ZMYND11: variants seen among roughly 807,000 people sequenced by gnomAD.
ZMYND11 encodes zinc finger MYND-type containing 11.
Under a neutral mutation model 84.9 loss-of-function variants are expected in ZMYND11, and 9 were observed. That is an observed-to-expected ratio of 0.11 (90% CI 0.06 to 0.18). The LOEUF is 0.18. ZMYND11 is among the 10% of genes least tolerant of loss of function. ZMYND11 has a pLI of 1.00. For missense variants in ZMYND11, 409 were observed against 761.0 expected (o/e 0.54, Z 5.44); for synonymous variants, 250 against 244.1 (o/e 1.02, Z -0.23).
Position 217,867 on chromosome 10 carries a change from A to T in ZMYND11, c.277-3328A>T, listed in dbSNP as rs552451277. Among the ~76,000 whole-genome samples the T allele has an allele frequency of 2.0e-5, 3 of 152,336 alleles. No homozygotes were observed. In the East Asian group the frequency reaches 5.8e-4, roughly 29 times the overall value. ...TGCGAATGCCAGGGCCAGGATTTGA[A>T]TCAATCGAGCTCCAGAGTCTTAACC... is the stretch of plus-strand genomic sequence containing the variant. On this transcript the variant is annotated intron_variant, in intron 3 of 14. Transcript: ENST00000381604.
intron 10 of ZMYND11, among the ~76,000 whole-genome samples, chr10:244,284 A>T (rs552014370): frequency 6.6e-6 from 1 of 152,218 alleles, no homozygotes; most frequent in Non-Finnish European, 1.5e-5. Context: ...AGTTTTGGCT[A>T]ATTATTCTTC....
chr10:134,144 A>G (rs1036474768), upstream of ZMYND11, among the ~76,000 whole-genome samples: 2 of 152,174 alleles, frequency 1.3e-5, no homozygotes, highest in African/African-American at 4.8e-5. Context: ...ACACCTGCCT[A>G]TAATAAAGTT....
At chr10:185,814 A>AG (rs1938196839) in intron 2 of ZMYND11, among the ~76,000 whole-genome samples, 2 of 2,548 alleles carry the variant, frequency 7.8e-4, no homozygotes, top group South Asian at 0.071. Context: ...ACTCCGTCTC[A>AG]AAAAAACAAA....
intron 9 of ZMYND11, among the ~76,000 whole-genome samples, chr10:241,811 C>T (rs1402514131): frequency 2.0e-5 from 3 of 152,008 alleles, no homozygotes; most frequent in Non-Finnish European, 2.9e-5. Flanking sequence ...GCTCCAGTCC[C>T]GACCTCTTCT....
intron 1 of ZMYND11, among the ~76,000 whole-genome samples, chr10:146,640 A>G (rs1351700877): frequency 6.6e-6 from 1 of 152,146 alleles, no homozygotes; most frequent in Admixed American, 6.5e-5. Context: ...TTTTGCAGCT[A>G]TCATAAAAGG....
intron 1 of ZMYND11, among the ~76,000 whole-genome samples, chr10:157,445 C>T (rs1324117471): frequency 1.3e-5 from 2 of 152,160 alleles, no homozygotes; most frequent in Non-Finnish European, 2.9e-5. Context: ...AGTGATCCAC[C>T]TGCCTCAGCC....
chr10:215,124 T>C (rs567574237), intron 3 of ZMYND11, among the ~76,000 whole-genome samples: 26 of 152,336 alleles, frequency 1.7e-4, no homozygotes, highest in African/African-American at 6.3e-4. Flanking sequence ...AGCTAGAATA[T>C]TATTTGACAG....
At position 252,193 on chromosome 10, in the gene ZMYND11, C is replaced by T. The variant is rs981884066; in HGVS notation, c.1687-155C>T. On this transcript the variant is annotated intron_variant, in intron 14 of 14. Coordinates refer to ENST00000381604, the MANE Select transcript of ZMYND11 (RefSeq NM_001370100.5). This position sits in a 1 kb window ranked among gnomAD's most constrained non-coding sequence, Gnocchi z 4.6. ...GAGCTGCAGTCATCCCCAGGGCTCC[C>T]TTTCCATCTGCTGTGCATAAAACGT... Among the ~76,000 whole-genome samples, 4 of 152,208 alleles carry T rather than the reference C, an allele frequency of 2.6e-5. No individual in the cohort carries two copies. The highest frequency in any genetic ancestry group is 9.7e-5 in the African/African-American group (4 of 41,446).
At chr10:161,191 A>T (rs560149088) in intron 1 of ZMYND11, among the ~76,000 whole-genome samples, 4 of 152,082 alleles carry the variant, frequency 2.6e-5, no homozygotes, top group Non-Finnish European at 5.9e-5. Flanking sequence ...AAATAACACT[A>T]ATCTCCCTGT....
At chr10:196,353 A>G (rs2130998705) in intron 2 of ZMYND11, among the ~76,000 whole-genome samples, 1 of 152,354 alleles carries the variant, frequency 6.6e-6, no homozygotes, top group South Asian at 2.1e-4. Context: ...TCGAAGTGAA[A>G]GAGAAGACCT....
chr10:197,673 G>T (rs368360314), intron 2 of ZMYND11, among the ~76,000 whole-genome samples: 1 of 152,306 alleles, frequency 6.6e-6, no homozygotes, highest in South Asian at 2.1e-4. Flanking sequence ...AAACCAGAAA[G>T]AAATCTTTAG....
chr10:202,747 A>G (rs77579379), intron 2 of ZMYND11, among the ~76,000 whole-genome samples: 4,362 of 152,284 alleles, frequency 0.029, 59 homozygotes, highest in East Asian at 0.092. Context: ...AAGACCAAAG[A>G]TAGAGAACGA....
At chr10:228,352 G>A (rs764044309) in intron 4 of ZMYND11, among the ~76,000 whole-genome samples, 22 of 152,156 alleles carry the variant, frequency 1.4e-4, no homozygotes, top group Non-Finnish European at 2.9e-4. Flanking sequence ...AATCTTATTC[G>A]AAGTTTATCT....
intron 4 of ZMYND11, among the ~76,000 whole-genome samples, chr10:235,306 C>A (rs904348750): frequency 1.1e-4 from 17 of 152,024 alleles, no homozygotes; most frequent in African/African-American, 3.9e-4. Context: ...GTGAGTTCTT[C>A]ATATCCTCCT....
chr10:243,797 A>G (rs1564454840), intron 10 of ZMYND11, among the ~76,000 whole-genome samples: 1 of 152,150 alleles, frequency 6.6e-6, no homozygotes, highest in East Asian at 1.9e-4. Flanking sequence ...CCCGGGAGGT[A>G]GAGCTTGCAG....
intron 2 of ZMYND11, among the ~76,000 whole-genome samples, chr10:205,525 A>C (rs368058304): frequency 6.6e-6 from 1 of 151,972 alleles, no homozygotes; most frequent in South Asian, 2.1e-4. Flanking sequence ...CCCTGTTTCT[A>C]CAAAAAATTA....
intron 2 of ZMYND11, among the ~76,000 whole-genome samples, chr10:203,155 C>T (rs1245161494): frequency 6.6e-6 from 1 of 152,050 alleles, no homozygotes; most frequent in Non-Finnish European, 1.5e-5. Context: ...CCTACAAAAT[C>T]TAAAACAAGA....
At chr10:160,395 G>C (rs1171801383) in intron 1 of ZMYND11, among the ~76,000 whole-genome samples, 2 of 152,176 alleles carry the variant, frequency 1.3e-5, no homozygotes, top group Non-Finnish European at 2.9e-5. Context: ...GCTGGTGGAG[G>C]GTCTTGCCTT....
At chr10:218,502 G>T in intron 3 of ZMYND11, 1 of 387,258 alleles carries the variant, frequency 2.6e-6, no homozygotes. Flanking sequence ...CAAACAAGGT[G>T]AACTAATTTT....
Sources: gnomAD v4.1 joint callset for allele counts (sites outside exome capture counted in the v4.1 genomes callset) on GRCh38, gnomAD v4.1.1 for gene constraint, Gnocchi (gnomAD v3.1) non-coding constraint, MANE v1.5 for transcripts, NCBI Gene and HGNC (gene_info 2026-07-23, HGNC 2026-07-21) for gene names.